Variants in MARK1 observed in about 807,000 individuals in gnomAD.
MARK1 encodes serine/threonine-protein kinase MARK1.
Under a neutral mutation model 96.3 loss-of-function variants are expected in MARK1, and 40 were observed. The ratio of observed to expected loss-of-function variants is 0.42; its 90% CI spans 0.32 to 0.54. The LOEUF is 0.54. Ranked by LOEUF, MARK1 falls within the 20% of genes least tolerant of loss-of-function variation. The pLI, the probability that MARK1 is intolerant of heterozygous loss-of-function variation, is 0.16. For synonymous variants in MARK1, 317 were observed against 341.2 expected (o/e 0.93, Z 0.78); for missense variants, 719 against 984.6 (o/e 0.73, Z 3.61).
chr1:220,541,485 T>C (rs1325282797), intron 1 of MARK1, among the ~76,000 whole-genome samples: 2 of 152,206 alleles, frequency 1.3e-5, no homozygotes, highest in Non-Finnish European at 2.9e-5. Context: ...ATCTTCTGTC[T>C]AGTTATTCTA....
intron 9 of MARK1, among the ~76,000 whole-genome samples, chr1:220,624,208 G>A (rs986968257): frequency 1.3e-5 from 2 of 151,178 alleles, no homozygotes; most frequent in African/African-American, 4.9e-5. Context: ...TGAGGCAGGA[G>A]AATCACTGGA....
intron 1 of MARK1, among the ~76,000 whole-genome samples, chr1:220,556,893 C>T (rs1662301281): frequency 6.6e-6 from 1 of 151,848 alleles, no homozygotes; most frequent in African/African-American, 2.4e-5. Flanking sequence ...ATATTAAAGA[C>T]TGGTTAATAA....
At chr1:220,586,011 A>ACACACACACGCGCGCG (rs112968910) in intron 3 of MARK1, among the ~76,000 whole-genome samples, 6 of 148,636 alleles carry the variant, frequency 4.0e-5, no homozygotes, top group Non-Finnish European at 8.9e-5. Flanking sequence ...ACACACACAC[A>ACACACACACGCGCGCG]CGCGCGCGTG....
chr1:220,615,922 C>T lies in MARK1; in HGVS notation c.496-17C>T, dbSNP rs1190044309. The T allele has an allele frequency of 2.1e-6, 3 of 1,425,676 alleles. No individual in the cohort carries two copies. Among genetic ancestry groups the T allele is most frequent in the Non-Finnish European group, 2.9e-6 (3 of 1,031,700 alleles). The allele number at this position is 1,425,676 out of a possible 1,614,324, so 88.3% of individuals were successfully genotyped here. Reference sequence around the variant, plus strand: ...TTTTTTAATAATTTGACTCTTTTATCCAAATGTTTATTCCAGATTGTATCT... The same window carrying T: ...TTTTTTAATAATTTGACTCTTTTATTCAAATGTTTATTCCAGATTGTATCT... On this transcript the variant is annotated splice_polypyrimidine_tract_variant and intron_variant, in intron 6 of 17. Transcript: ENST00000366917.
rs550556091 is a variant in MARK1, at chr1:220,610,868, G to A, written c.496-5071G>A. ...GTTCCACTCCAGACCCTGTTTGCCTGGGTATCACCAGTGGAGGCTGCAGAA... is the reference window on the plus strand; with the variant it reads ...GTTCCACTCCAGACCCTGTTTGCCTAGGTATCACCAGTGGAGGCTGCAGAA... On this transcript the variant is annotated intron_variant, in intron 6 of 17. Coordinates refer to ENST00000366917, the MANE Select transcript of MARK1 (RefSeq NM_018650.5). Among the ~76,000 whole-genome samples, 3 of 152,272 alleles carry A rather than the reference G, an allele frequency of 2.0e-5. No individual in the cohort carries two copies. In the South Asian group the frequency reaches 6.2e-4, roughly 32 times the overall value.
intron 1 of MARK1, among the ~76,000 whole-genome samples, chr1:220,540,378 A>G (rs1661049254): frequency 6.6e-6 from 1 of 152,228 alleles, no homozygotes; most frequent in Non-Finnish European, 1.5e-5. Context: ...TTTATATTCC[A>G]ATCGGGCTCT....
intron 9 of MARK1, among the ~76,000 whole-genome samples, chr1:220,621,806 A>G (rs552198178): frequency 6.6e-6 from 1 of 152,218 alleles, no homozygotes; most frequent in Non-Finnish European, 1.5e-5. Flanking sequence ...GATTTAGAGA[A>G]TTTTACATGG....
chr1:220,584,299 TA>T (rs1424358795), intron 3 of MARK1, among the ~76,000 whole-genome samples: 1 of 152,184 alleles, frequency 6.6e-6, no homozygotes, highest in Non-Finnish European at 1.5e-5. Context: ...TCCTAAGTAG[TA>T]AAATCTGTAA....
intron 4 of MARK1, among the ~76,000 whole-genome samples, chr1:220,599,159 T>C (rs1665573965): frequency 6.6e-6 from 1 of 152,208 alleles, no homozygotes; most frequent in Admixed American, 6.5e-5. Context: ...CAGTAAGTTC[T>C]GATTTCTCCC....
At chr1:220,581,264 T>C in intron 3 of MARK1, 146 bp downstream of exon 3, 1 of 350,784 alleles carries the variant, frequency 2.9e-6, no homozygotes, top group Non-Finnish European at 5.4e-6. Flanking sequence ...TAAAATGTAA[T>C]GTTTATGACT....
intron 1 of MARK1, among the ~76,000 whole-genome samples, chr1:220,539,481 T>C (rs1572043809): frequency 1.3e-5 from 2 of 152,340 alleles, no homozygotes; most frequent in East Asian, 3.9e-4. Flanking sequence ...CAGTATTCTA[T>C]TGAGGATTTT....
chr1:220,631,007 C>T, intron 9 of MARK1, 28 bp from the exon 10 acceptor site: 1 of 1,452,162 alleles, frequency 6.9e-7, no homozygotes, highest in South Asian at 1.2e-5. Flanking sequence ...TCTGATTGAC[C>T]ACACATAATG....
At chr1:220,528,915 CCCT>C (rs1283991720) in intron 1 of MARK1, 42 bp downstream of exon 1, 1 of 1,520,720 alleles carries the variant, frequency 6.6e-7, no homozygotes, top group Non-Finnish European at 8.8e-7. Context: ...GGGGGCGAGA[CCCT>C]CCTCTGATCC....
At chr1:220,613,357 A>T (rs1411191051) in intron 6 of MARK1, among the ~76,000 whole-genome samples, 2 of 152,152 alleles carry the variant, frequency 1.3e-5, no homozygotes, top group Non-Finnish European at 2.9e-5. Context: ...AATGCAGAGG[A>T]TTCTTTGTAA....
intron 11 of MARK1, among the ~76,000 whole-genome samples, chr1:220,634,153 G>T (rs1356025561): frequency 6.6e-6 from 1 of 152,146 alleles, no homozygotes; most frequent in Non-Finnish European, 1.5e-5. Flanking sequence ...AGTATGAATG[G>T]TTATTTCTAA....
chr1:220,594,917 A>G (rs1665229712), intron 3 of MARK1, among the ~76,000 whole-genome samples: 1 of 152,206 alleles, frequency 6.6e-6, no homozygotes, highest in East Asian at 1.9e-4. Flanking sequence ...TGTTAGTATT[A>G]GTCTATGTAA....
intron 1 of MARK1, among the ~76,000 whole-genome samples, chr1:220,573,489 A>G (rs1663615709): frequency 6.6e-6 from 1 of 151,892 alleles, no homozygotes; most frequent in Admixed American, 6.6e-5. Context: ...ACGCCTGGCT[A>G]ATTTTTTGTA....
chr1:220,625,807 A>G (rs1667293469), intron 9 of MARK1: 14 of 456,992 alleles, frequency 3.1e-5, no homozygotes, highest in South Asian at 1.7e-4. Context: ...GGAAATTAAT[A>G]TTATAGACAA....
intron 12 of MARK1, 65 bp downstream of exon 12, chr1:220,635,594 C>A: frequency 6.6e-7 from 1 of 1,525,286 alleles, no homozygotes; most frequent in Non-Finnish European, 8.9e-7. Flanking sequence ...GTTTTTAAAG[C>A]ATTGTACATT....
Sources: allele counts gnomAD v4.1 joint callset (sites outside exome capture counted in the v4.1 genomes callset), GRCh38; gene constraint gnomAD v4.1.1; transcripts MANE v1.5; gene names NCBI Gene and HGNC (gene_info 2026-07-23, HGNC 2026-07-21).